The following CTNNA3 variants were observed in gnomAD, a reference collection of about 807,000 sequenced individuals.
CTNNA3 encodes catenin alpha-3.
A neutral mutation model predicts 95.7 loss-of-function variants in CTNNA3; 76 were observed. The ratio of observed to expected loss-of-function variants is 0.79; its 90% CI spans 0.66 to 0.96. The LOEUF (loss-of-function observed/expected upper bound fraction) is 0.96, where lower values mean the gene tolerates loss of function less well. CTNNA3 is among the 40% of genes least tolerant of loss of function. The pLI, the probability that CTNNA3 is intolerant of heterozygous loss-of-function variation, is 0.00. For synonymous variants in CTNNA3, 431 were observed against 374.4 expected (o/e 1.15, Z -1.74); for missense variants, 1,191 against 1,089.8 (o/e 1.09, Z -1.31).
At chr10:66,304,775 A>G (rs1478589306) in intron 12 of CTNNA3, among the ~76,000 whole-genome samples, 1 of 152,194 alleles carries the variant, frequency 6.6e-6, no homozygotes, top group African/African-American at 2.4e-5. Context: ...AGGAACAGGT[A>G]TAAAAATGAG....
chr10:67,344,459 C>G (rs1168716472), intron 5 of CTNNA3, among the ~76,000 whole-genome samples: 2 of 152,044 alleles, frequency 1.3e-5, no homozygotes, highest in Non-Finnish European at 2.9e-5. Context: ...TAGGATTCAG[C>G]AGTAAAGCCA....
intron 11 of CTNNA3, among the ~76,000 whole-genome samples, chr10:66,503,265 T>C (rs1911345): frequency 0.16 from 24,790 of 152,150 alleles, 2,147 homozygotes; most frequent in African/African-American, 0.19. Context: ...GTTCTACTGG[T>C]TGTTCTATCT....
At chr10:66,058,354 T>C (rs1042062959) in intron 15 of CTNNA3, among the ~76,000 whole-genome samples, 1 of 152,150 alleles carries the variant, frequency 6.6e-6, no homozygotes, top group South Asian at 2.1e-4. Context: ...GCTTTGTAAA[T>C]GCAAGCTTGT....
At chr10:66,311,158 T>C (rs1399648384) in intron 12 of CTNNA3, among the ~76,000 whole-genome samples, 2 of 152,230 alleles carry the variant, frequency 1.3e-5, no homozygotes, top group African/African-American at 4.8e-5. Context: ...AGAATATATG[T>C]TCTACAGATT....
intron 13 of CTNNA3, among the ~76,000 whole-genome samples, chr10:66,215,503 A>C (rs1171875961): frequency 6.6e-6 from 1 of 152,188 alleles, no homozygotes; most frequent in Non-Finnish European, 1.5e-5. Context: ...CATCTCTGGG[A>C]ATTCTGGAAA....
At chr10:66,002,794 C>G (rs900375134) in intron 15 of CTNNA3, among the ~76,000 whole-genome samples, 1 of 152,152 alleles carries the variant, frequency 6.6e-6, no homozygotes, top group Admixed American at 6.5e-5. Flanking sequence ...CACTCCCACC[C>G]ATATTCCAGA....
intron 5 of CTNNA3, among the ~76,000 whole-genome samples, chr10:67,292,969 T>A (rs1380912837): frequency 6.6e-6 from 1 of 151,924 alleles, no homozygotes; most frequent in Non-Finnish European, 1.5e-5. Flanking sequence ...CAATACTAGA[T>A]AAATAAACCA....
intron 12 of CTNNA3, among the ~76,000 whole-genome samples, chr10:66,375,847 A>C (rs1256039965): frequency 6.6e-6 from 1 of 152,182 alleles, no homozygotes; most frequent in Non-Finnish European, 1.5e-5. Context: ...AAAACATGTA[A>C]CTATATGGCA....
At chr10:66,544,107 C>T (rs1446888201) in intron 10 of CTNNA3, among the ~76,000 whole-genome samples, 1 of 151,800 alleles carries the variant, frequency 6.6e-6, no homozygotes, top group Non-Finnish European at 1.5e-5. Flanking sequence ...ATTTACTTCA[C>T]ACAGTAATGT....
At chr10:66,840,445 C>A (rs1237039204) in intron 7 of CTNNA3, among the ~76,000 whole-genome samples, 1 of 147,678 alleles carries the variant, frequency 6.8e-6, no homozygotes, top group Non-Finnish European at 1.5e-5. Flanking sequence ...TTCCTCAGTA[C>A]TGCATTTACA....
chr10:67,632,520 T>C (rs185033472), intron 2 of CTNNA3, among the ~76,000 whole-genome samples: 2 of 152,166 alleles, frequency 1.3e-5, no homozygotes, highest in East Asian at 3.9e-4. Context: ...GGCAAACAAT[T>C]TGACCCACGA....
At position 67,335,388 on chromosome 10, in the gene CTNNA3, T is replaced by G. The variant is rs548525426; in HGVS notation, c.580-115518A>C. On this transcript the variant is annotated intron_variant, in intron 5 of 17. Coordinates refer to ENST00000433211, the MANE Select transcript of CTNNA3 (RefSeq NM_013266.4). Reference sequence around the variant, plus strand: ...GAATATAAATTATTGTAAAATAAATTTATTTTGACACCAAACAGTGGGGTC... The same window carrying G: ...GAATATAAATTATTGTAAAATAAATGTATTTTGACACCAAACAGTGGGGTC... Among the ~76,000 whole-genome samples, 199 of 152,282 alleles carry G rather than the reference T, an allele frequency of 1.3e-3. 1 individual carries two copies. The highest frequency in any genetic ancestry group is 4.7e-3 in the African/African-American group (195 of 41,562).
chr10:66,470,783 GGAA>G (rs1839100135), intron 11 of CTNNA3, among the ~76,000 whole-genome samples: 1 of 151,558 alleles, frequency 6.6e-6, no homozygotes, highest in African/African-American at 2.4e-5. Context: ...AAAGGGAGGT[GGAA>G]ACCAGCACTG....
At chr10:66,362,096 ATTTTTTT>A (rs569047811) in intron 12 of CTNNA3, among the ~76,000 whole-genome samples, 65 of 81,770 alleles carry the variant, frequency 7.9e-4, no homozygotes, top group Admixed American at 9.1e-4. Flanking sequence ...TTCATACACA[ATTTTTTT>A]TTTTTTTTTT....
intron 11 of CTNNA3, among the ~76,000 whole-genome samples, chr10:66,386,629 A>G (rs879036239): frequency 7.9e-5 from 12 of 152,154 alleles, no homozygotes; most frequent in African/African-American, 2.4e-4. Context: ...AAAAGAGCCC[A>G]CATTGCCAAG....
chr10:67,232,897 A>T (rs1037919493), intron 5 of CTNNA3, among the ~76,000 whole-genome samples: 2 of 152,224 alleles, frequency 1.3e-5, no homozygotes, highest in East Asian at 1.9e-4. Flanking sequence ...ACCAACAAAG[A>T]TCAAAAGAGA....
intron 7 of CTNNA3, among the ~76,000 whole-genome samples, chr10:67,072,025 G>A (rs1220093900): frequency 2.0e-5 from 3 of 152,064 alleles, no homozygotes; most frequent in Non-Finnish European, 4.4e-5. Context: ...CGATCTCAGC[G>A]CACTGCAATC....
intron 7 of CTNNA3, among the ~76,000 whole-genome samples, chr10:66,889,181 G>A (rs1471011049): frequency 1.3e-5 from 2 of 152,238 alleles, no homozygotes; most frequent in African/African-American, 4.8e-5. Context: ...TATGAAGGCA[G>A]TAAAACTATA....
intron 15 of CTNNA3, among the ~76,000 whole-genome samples, chr10:66,035,989 C>T (rs1169666569): frequency 6.6e-6 from 1 of 152,084 alleles, no homozygotes; most frequent in Non-Finnish European, 1.5e-5. Flanking sequence ...ACTCTTATCC[C>T]ACATACCCAC....
Sources: gnomAD v4.1 joint callset for allele counts (sites outside exome capture counted in the v4.1 genomes callset) on GRCh38, gnomAD v4.1.1 for gene constraint, MANE v1.5 for transcripts, NCBI Gene and HGNC (gene_info 2026-07-23, HGNC 2026-07-21) for gene names.